MORC3: variants seen among roughly 807,000 people sequenced by gnomAD.
MORC3 encodes the protein MORC family CW-type zinc finger 3, also known as MORC family CW-type zinc finger protein 3.
In MORC3, 31 loss-of-function variants were observed where a neutral mutation model predicts 109.1. The ratio of observed to expected loss-of-function variants is 0.28; its 90% CI spans 0.21 to 0.38. MORC3 has a LOEUF of 0.38. Ranked by LOEUF, MORC3 falls within the 10% of genes least tolerant of loss-of-function variation. The probability of loss-of-function intolerance (pLI) is 1.00; values close to 1 mark genes in which losing one functional copy is unlikely to be tolerated. For missense variants in MORC3, 867 were observed against 1,135.8 expected, an observed-to-expected ratio of 0.76 and a Z score of 3.40; for synonymous variants, 395 against 380.7, an observed-to-expected ratio of 1.04 and a Z score of -0.44.
chr21:36,364,584 G>A (rs1428532980), intron 14 of MORC3, among the ~76,000 whole-genome samples: 1 of 151,580 alleles, frequency 6.6e-6, no homozygotes, highest in Non-Finnish European at 1.5e-5. Context: ...CTCCAGAGGC[G>A]GAGGCTGAGG....
intron 15 of MORC3, among the ~76,000 whole-genome samples, chr21:36,370,656 T>A (rs1294189038): frequency 9.3e-5 from 11 of 117,660 alleles, no homozygotes; most frequent in South Asian, 5.8e-4. Context: ...TTTTTTTTTT[T>A]TTTTTTTTTT....
chr21:36,332,412 G>C (rs1258418772), intron 1 of MORC3, among the ~76,000 whole-genome samples: 1 of 152,138 alleles, frequency 6.6e-6, no homozygotes, highest in Admixed American at 6.6e-5. Context: ...TTACAGCCTA[G>C]GTGACAGAGT....
At chr21:36,346,794 G>A (rs1225438166) in intron 8 of MORC3, among the ~76,000 whole-genome samples, 1 of 151,908 alleles carries the variant, frequency 6.6e-6, no homozygotes, top group Admixed American at 6.6e-5. Context: ...AGGCAACAGG[G>A]TGAGGTCCTA....
In MORC3 at chr21:36,364,351, G is replaced by T. The variant is rs2085754390; in HGVS notation, c.1619+92G>T. 54 of 1,346,014 alleles carry T rather than the reference G, an allele frequency of 4.0e-5. No individual in the cohort carries two copies. The South Asian group carries it at 6.5e-4, about 16-fold the overall frequency. 83.4% of individuals were successfully genotyped at this position (1,346,014 alleles called of 1,614,324 possible). ...GACAGTGATGCAATTCGGGATCATT[G>T]TAGGTTCCATTGTGAATTGTAGGTT... On this transcript the variant is annotated intron_variant, in intron 14 of 16. Coordinates refer to ENST00000400485, the MANE Select transcript of MORC3 (RefSeq NM_015358.3).
chr21:36,350,889 G>C (rs1361467734), intron 9 of MORC3, among the ~76,000 whole-genome samples: 1 of 152,052 alleles, frequency 6.6e-6, no homozygotes, highest in Non-Finnish European at 1.5e-5. Flanking sequence ...TGGAATACAT[G>C]TGATATTTTG....
At position 36,369,323 on chromosome 21, in the gene MORC3, A is replaced by G; in HGVS notation, c.1955A>G (p.Glu652Gly). 6.2e-7 allele frequency: 1 copy of G among 1,614,200 alleles called. No individual in the cohort carries two copies. Among genetic ancestry groups the G allele is most frequent in the Non-Finnish European group, 8.5e-7 (1 of 1,180,036 alleles). ...GTACCAAGTTTAGTTGTTAAAAAAG[A>G]AGAAACTGTTGAAGACGAGATAGAC... ...TEVPSLVVKK[E>G]ETVEDEIDVR... Residue 652 changes from glutamate to glycine, a missense_variant, in exon 15 of 17, where the codon GAA (glutamate) becomes GGA (glycine). Coordinates refer to ENST00000400485, the MANE Select transcript of MORC3 (RefSeq NM_015358.3).
Position 36,320,271 on chromosome 21 carries a change from G to A in MORC3, c.7G>A (p.Ala3Thr). The change falls in exon 1 of 17, where the codon GCG becomes ACG. Residue 3 changes from alanine (A) to threonine (T), a missense_variant. Ala to Thr is a moderately conservative substitution (Grantham distance 58). This residue lies in a region of MORC3 where 33 missense variants were observed against 18.5 expected (regional missense o/e 1.78). Coordinates refer to ENST00000400485, the MANE Select transcript of MORC3 (RefSeq NM_015358.3). MA[A>T]QPPRGIRLSA... ...GCTTTGTAGCTCGCTCAAGATGGCG[G>A]CGCAGCCACCCCGCGGGATACGCCT... 7 of 1,580,356 alleles carry A rather than the reference G, an allele frequency of 4.4e-6. No homozygotes were observed. The highest frequency in any genetic ancestry group is 6.0e-6 in the Non-Finnish European group (7 of 1,165,032).
At chr21:36,328,881 A>G (rs1458680624) in intron 1 of MORC3, among the ~76,000 whole-genome samples, 2 of 150,452 alleles carry the variant, frequency 1.3e-5, no homozygotes, top group Non-Finnish European at 2.9e-5. Flanking sequence ...ACACACATAA[A>G]ATATACTAAC....
chr21:36,352,956 G>C (rs1378913799), intron 9 of MORC3, among the ~76,000 whole-genome samples: 5 of 147,140 alleles, frequency 3.4e-5, no homozygotes, highest in African/African-American at 1.3e-4. Flanking sequence ...GGGTGACAGA[G>C]CAAGACCTTT....
intron 16 of MORC3, among the ~76,000 whole-genome samples, chr21:36,374,044 C>T (rs1013269738): frequency 2.6e-5 from 4 of 152,084 alleles, no homozygotes; most frequent in Admixed American, 2.0e-4. Context: ...TGTAAATGCA[C>T]GGTAACTTAA....
chr21:36,353,753 G>GTTTTTTTTTTTTTTTT (rs1334368761), intron 9 of MORC3, among the ~76,000 whole-genome samples: 11 of 26,374 alleles, frequency 4.2e-4, no homozygotes, highest in African/African-American at 2.0e-3. Context: ...GCTAATTTTT[G>GTTTTTTTTTTTTTTTT]TATTTTTTTT....
At chr21:36,347,021 A>AC (rs199656972) in intron 8 of MORC3, among the ~76,000 whole-genome samples, 3,935 of 151,234 alleles carry the variant, frequency 0.026, 161 homozygotes, top group African/African-American at 0.088. Flanking sequence ...AAAAAAAAAA[A>AC]AAAAACAAAG....
At chr21:36,360,161 T>C (rs1330046256) in intron 11 of MORC3, 23 bp from the exon 12 acceptor site, 1 of 1,614,048 alleles carries the variant, frequency 6.2e-7, no homozygotes, top group East Asian at 2.2e-5. Context: ...GACATGTTAT[T>C]CCTATGTGAT....
chr21:36,323,650 G>T (rs1199646498), intron 1 of MORC3, among the ~76,000 whole-genome samples: 2 of 152,070 alleles, frequency 1.3e-5, no homozygotes, highest in African/African-American at 4.8e-5. Context: ...TTGCATTCTG[G>T]ATTGGAAATT....
At chr21:36,322,515 G>A (rs960320321) in intron 1 of MORC3, among the ~76,000 whole-genome samples, 1 of 152,002 alleles carries the variant, frequency 6.6e-6, no homozygotes, top group Non-Finnish European at 1.5e-5. Context: ...GGGTTTACAC[G>A]CGTGGGCCAC....
chr21:36,345,067 A>G (rs752012601), intron 8 of MORC3, 36 bp downstream of exon 8: 20 of 1,557,124 alleles, frequency 1.3e-5, no homozygotes, highest in East Asian at 1.1e-4. Flanking sequence ...GAAAATGTCT[A>G]TTTTCCACAA....
intron 13 of MORC3, 59 bp from the exon 14 acceptor site, chr21:36,364,034 T>C: frequency 6.5e-7 from 1 of 1,531,330 alleles, no homozygotes; most frequent in Non-Finnish European, 8.9e-7. Flanking sequence ...ATATCTTGTG[T>C]TTTGGGCATG....
intron 1 of MORC3, among the ~76,000 whole-genome samples, chr21:36,327,557 A>C (rs1321477630): frequency 1.3e-5 from 2 of 151,398 alleles, no homozygotes; most frequent in Non-Finnish European, 2.9e-5. Context: ...AAAAGGCCGA[A>C]AGAAAGCAGA....
intron 1 of MORC3, among the ~76,000 whole-genome samples, chr21:36,325,017 A>G (rs897955679): frequency 1.1e-4 from 16 of 152,094 alleles, no homozygotes; most frequent in African/African-American, 3.9e-4. Flanking sequence ...CAGCCTTCTC[A>G]CATTTTTAAG....
Sources: gnomAD v4.1 joint callset for allele counts (sites outside exome capture counted in the v4.1 genomes callset) on GRCh38, gnomAD v4.1.1 for gene constraint, gnomAD v4.1.1 regional missense constraint, MANE v1.5 for transcripts, NCBI Gene and HGNC (gene_info 2026-07-23, HGNC 2026-07-21) for gene names.